Variants in TRAPPC9 observed in about 807,000 individuals in gnomAD.
TRAPPC9 encodes trafficking protein particle complex subunit 9.
TRAPPC9 carries 83 observed loss-of-function variants against 124.0 expected under a neutral mutation model. The ratio of observed to expected loss-of-function variants is 0.67; its 90% CI spans 0.56 to 0.80. TRAPPC9 has a LOEUF of 0.80. Among genes scored for constraint, TRAPPC9 ranks in the 30% least tolerant of loss-of-function variants. The probability of loss-of-function intolerance (pLI) is 0.00; values close to 1 mark genes in which losing one functional copy is unlikely to be tolerated. For missense variants in TRAPPC9, 1,302 were observed against 1,508.3 expected, an observed-to-expected ratio of 0.86 and a Z score of 2.27; for synonymous variants, 638 against 617.5, an observed-to-expected ratio of 1.03 and a Z score of -0.49.
rs111869504 is a variant in TRAPPC9 at position 140,024,091 on chromosome 8, TA to T, written c.2557-13del. 2.6e-3 allele frequency: 3,602 copies of T among 1,389,310 alleles called. No homozygotes were observed. The highest frequency in any genetic ancestry group is 3.3e-3 in the South Asian group (249 of 75,930). The allele number at this position is 1,389,310 out of a possible 1,614,324, so 86.1% of individuals were successfully genotyped here. The stretch of plus-strand genomic sequence containing the variant: ...ACAGCTTCCAGGGTCTAAAAGATAT[TA>T]AAAAAAAAAATACACACACACACAT... On this transcript the variant is annotated splice_polypyrimidine_tract_variant and intron_variant, in intron 17 of 22. Transcript: ENST00000438773.
intron 17 of TRAPPC9, among the ~76,000 whole-genome samples, chr8:140,125,178 C>T (rs1323708465): frequency 2.0e-5 from 3 of 152,186 alleles, no homozygotes; most frequent in East Asian, 1.9e-4. Flanking sequence ...CAGGCAGAGG[C>T]CCACCCAGAG....
chr8:139,893,502 C>T (rs1185752068), intron 20 of TRAPPC9, among the ~76,000 whole-genome samples: 1 of 152,268 alleles, frequency 6.6e-6, no homozygotes, highest in Non-Finnish European at 1.5e-5. Flanking sequence ...GTCTCTTTCC[C>T]TTGAGGAACC....
intron 16 of TRAPPC9, among the ~76,000 whole-genome samples, chr8:140,226,871 T>C (rs1338507581): frequency 2.6e-5 from 4 of 152,016 alleles, no homozygotes; most frequent in African/African-American, 7.2e-5. Flanking sequence ...AAAAAAGTCT[T>C]AAAATTCCAT....
intron 21 of TRAPPC9, among the ~76,000 whole-genome samples, chr8:139,798,862 G>GAA (rs1823275307): frequency 6.6e-6 from 1 of 152,166 alleles, no homozygotes; most frequent in South Asian, 2.1e-4. Context: ...TCTGAAATCA[G>GAA]AACCACCGGG....
chr8:140,419,730 A>G (rs183610005), intron 5 of TRAPPC9, among the ~76,000 whole-genome samples: 71 of 142,606 alleles, frequency 5.0e-4, no homozygotes, highest in African/African-American at 1.8e-3. Context: ...CTAAAAATAC[A>G]AAAAAATTAG....
intron 15 of TRAPPC9, among the ~76,000 whole-genome samples, chr8:140,256,841 G>A (rs1025710984): frequency 2.0e-5 from 3 of 152,244 alleles, no homozygotes; most frequent in East Asian, 1.9e-4. Flanking sequence ...GAGGGTTAGC[G>A]GGTTTAAAAC....
chr8:140,236,029 C>T (rs1344778268), intron 16 of TRAPPC9, among the ~76,000 whole-genome samples: 2 of 150,416 alleles, frequency 1.3e-5, no homozygotes, highest in African/African-American at 2.4e-5. Context: ...ACAGTTGTGA[C>T]ACTTTAGGCC....
chr8:140,252,989 C>A lies in TRAPPC9; in HGVS notation c.2279-60G>T, dbSNP rs79561952. 3,648 of 1,550,534 alleles carry A rather than the reference C, an allele frequency of 2.4e-3. 55 individuals carry two copies. In the African/African-American group the frequency reaches 0.043, roughly 18 times the overall value. On this transcript the variant is annotated intron_variant, in intron 15 of 22. Transcript: ENST00000438773. The surrounding 1 kb of genome is among the most constrained non-coding windows in gnomAD (Gnocchi z 4.2). ...GTAACTGAGGCAGTATGGGACTTAC[C>A]AATCCCCTAGAAAATTCTGATGCAT... is the stretch of plus-strand genomic sequence containing the variant.
At chr8:140,278,929 G>T (rs2065217630) in intron 14 of TRAPPC9, among the ~76,000 whole-genome samples, 1 of 152,230 alleles carries the variant, frequency 6.6e-6, no homozygotes, top group Non-Finnish European at 1.5e-5. Flanking sequence ...CCTGCCTTCT[G>T]TCTCTGAAGG....
chr8:139,877,988 GCT>G (rs1186235276), intron 21 of TRAPPC9, among the ~76,000 whole-genome samples: 2 of 152,304 alleles, frequency 1.3e-5, no homozygotes, highest in African/African-American at 4.8e-5. Flanking sequence ...TGACAGCTTT[GCT>G]CTCTGCCAAG....
chr8:139,812,421 C>T (rs770839063), intron 21 of TRAPPC9, among the ~76,000 whole-genome samples: 1 of 152,180 alleles, frequency 6.6e-6, no homozygotes, highest in African/African-American at 2.4e-5. Context: ...GATCACACTA[C>T]ACCAGCGTAC....
chr8:140,189,317 T>C (rs920736655), intron 17 of TRAPPC9, among the ~76,000 whole-genome samples: 5 of 152,194 alleles, frequency 3.3e-5, no homozygotes, highest in African/African-American at 9.7e-5. Flanking sequence ...AAAGATCAGA[T>C]ACACAACTCC....
intron 17 of TRAPPC9, among the ~76,000 whole-genome samples, chr8:140,179,200 G>C (rs77917470): frequency 6.6e-6 from 1 of 152,060 alleles, no homozygotes; most frequent in African/African-American, 2.4e-5. Flanking sequence ...CTTTCCCAGT[G>C]TAAGCATCTA....
At chr8:140,178,592 T>G (rs7816828) in intron 17 of TRAPPC9, among the ~76,000 whole-genome samples, 79,577 of 151,938 alleles carry the variant, frequency 0.52, 22,846 homozygotes, top group East Asian at 0.99. Flanking sequence ...TGTAATCTTC[T>G]TATAGTGTCT....
At chr8:140,076,574 G>A (rs985958792) in intron 17 of TRAPPC9, among the ~76,000 whole-genome samples, 1 of 152,218 alleles carries the variant, frequency 6.6e-6, no homozygotes, top group African/African-American at 2.4e-5. Flanking sequence ...CTCAGGCCAT[G>A]GGGCCCATCC....
intron 21 of TRAPPC9, among the ~76,000 whole-genome samples, chr8:139,818,853 C>T (rs1586914188): frequency 6.6e-6 from 1 of 152,304 alleles, no homozygotes; most frequent in East Asian, 1.9e-4. Flanking sequence ...AATGGCAATA[C>T]CTAGGGAAAA....
At chr8:140,442,094 T>G (rs2071037799) in intron 2 of TRAPPC9, among the ~76,000 whole-genome samples, 1 of 152,216 alleles carries the variant, frequency 6.6e-6, no homozygotes, top group East Asian at 1.9e-4. Context: ...AGTGTACACC[T>G]GCTGTAGCAA....
intron 5 of TRAPPC9, among the ~76,000 whole-genome samples, chr8:140,409,973 C>CA (rs1211372888): frequency 2.6e-5 from 4 of 151,606 alleles, no homozygotes; most frequent in Non-Finnish European, 5.9e-5. Context: ...CCCATCTCCA[C>CA]AAAAAAACAC....
intron 21 of TRAPPC9, among the ~76,000 whole-genome samples, chr8:139,753,073 T>TATCC (rs138670884): frequency 0.24 from 29,737 of 123,740 alleles, 4,989 homozygotes; most frequent in African/African-American, 0.5. Flanking sequence ...CCCACCCATC[T>TATCC]ATCCATCCAT....
Sources: gnomAD v4.1 joint callset for allele counts (sites outside exome capture counted in the v4.1 genomes callset) on GRCh38, gnomAD v4.1.1 for gene constraint, Gnocchi (gnomAD v3.1) non-coding constraint, MANE v1.5 for transcripts, NCBI Gene and HGNC (gene_info 2026-07-23, HGNC 2026-07-21) for gene names.